Variants in AP1B1 observed in about 807,000 individuals in gnomAD.
AP1B1 encodes AP-1 complex subunit beta-1.
AP1B1 carries 36 observed loss-of-function variants against 104.3 expected under a neutral mutation model. That is an observed-to-expected ratio of 0.35 (90% confidence interval 0.26 to 0.46). The LOEUF (loss-of-function observed/expected upper bound fraction) is 0.46, where lower values mean the gene tolerates loss of function less well. Ranked by LOEUF, AP1B1 falls within the 20% of genes least tolerant of loss-of-function variation. AP1B1 has a pLI of 1.00. For synonymous variants in AP1B1, 504 were observed against 517.5 expected, an observed-to-expected ratio of 0.97 and a Z score of 0.35; for missense variants, 901 against 1,247.9, an observed-to-expected ratio of 0.72 and a Z score of 4.19.
chr22:29,366,056 G>A (rs1295922375), intron 2 of AP1B1, among the ~76,000 whole-genome samples: 1 of 152,158 alleles, frequency 6.6e-6, no homozygotes, highest in East Asian at 1.9e-4. Flanking sequence ...TCCAGCAACA[G>A]ACTCTTTTCA....
At chr22:29,349,874 G>A (rs1326941516) in intron 10 of AP1B1, among the ~76,000 whole-genome samples, 161 bp downstream of exon 10, 1 of 152,180 alleles carries the variant, frequency 6.6e-6, no homozygotes, top group Non-Finnish European at 1.5e-5. Flanking sequence ...GGGAGTAGAG[G>A]AGGGGCAGTG....
chr22:29,328,665 C>T lies in AP1B1; in HGVS notation c.*156G>A, dbSNP rs2061511739. Reference sequence around the variant, plus strand: ...ACCCCAGGAGGGGGTGGTGCCCTACCCCAGGGATCGGGTGGGTTCTGCCAT... The same window carrying T: ...ACCCCAGGAGGGGGTGGTGCCCTACTCCAGGGATCGGGTGGGTTCTGCCAT... On this transcript the variant is annotated 3_prime_UTR_variant, in exon 23 of 23. Transcript: ENST00000357586. The surrounding 1 kb of genome is among the most constrained non-coding windows in gnomAD (Gnocchi z 4.1). 1 of 916,966 alleles carries T rather than the reference C, an allele frequency of 1.1e-6. No individual in the cohort carries two copies. The highest frequency in any genetic ancestry group is 1.6e-6 in the Non-Finnish European group (1 of 620,128). 56.8% of individuals were successfully genotyped at this position (916,966 alleles called of 1,614,324 possible).
At position 29,330,725 on chromosome 22, in the gene AP1B1, G is replaced by C; in HGVS notation, c.2525-16C>G. 1 of 1,606,678 alleles carries C rather than the reference G, an allele frequency of 6.2e-7. No homozygotes were observed. The highest frequency in any genetic ancestry group is 8.5e-7 in the Non-Finnish European group (1 of 1,177,524). On this transcript the variant is annotated splice_polypyrimidine_tract_variant and intron_variant, in intron 19 of 22. Transcript: ENST00000357586. ...ATCTGCCGGTCTGCGGGGTGAGCAG[G>C]GTGGGGATGAGAGGCGAGCCCCTCA... is the stretch of plus-strand genomic sequence containing the variant.
chr22:29,386,555 G>A (rs539241255), intron 1 of AP1B1, among the ~76,000 whole-genome samples: 187 of 152,228 alleles, frequency 1.2e-3, no homozygotes, highest in African/African-American at 4.2e-3. Flanking sequence ...GTGACAAGTT[G>A]CTTCATCTCA....
intron 4 of AP1B1, 21 bp from the exon 5 acceptor site, chr22:29,358,992 G>C: frequency 6.3e-7 from 1 of 1,590,862 alleles, no homozygotes; most frequent in Non-Finnish European, 8.6e-7. Context: ...CCAGCCATCG[G>C]CCAGGGCAGG....
intron 3 of AP1B1, among the ~76,000 whole-genome samples, chr22:29,361,503 T>G (rs1036047984): frequency 1.3e-5 from 2 of 152,118 alleles, no homozygotes; most frequent in Non-Finnish European, 2.9e-5. Flanking sequence ...TTTTATTTCT[T>G]TGGCAGTAAA....
At chr22:29,333,833 G>C (rs1410918635) in intron 17 of AP1B1, among the ~76,000 whole-genome samples, 1 of 152,142 alleles carries the variant, frequency 6.6e-6, no homozygotes, top group Non-Finnish European at 1.5e-5. Flanking sequence ...GGAGGCCGAG[G>C]TGGGCGGATT....
rs1372964599 is a variant in AP1B1, at chr22:29,331,817, G to A, written c.2409C>T (p.Val803=). ...GGTTGTTCAGAGGCTCCATCTTCAT[G>A]ACCGAGCCCACCGTGCTGAGAGGCA... ...ISLPLSTVGS[V]MKMEPLNNLQ... is the part of the protein sequence containing the mutation. Residue 803 remains valine (V), a synonymous_variant, in exon 18 of 23, where the codon GTC becomes GTT. Coordinates refer to ENST00000357586, the MANE Select transcript of AP1B1 (RefSeq NM_001127.4). The A allele has an allele frequency of 1.9e-6, 3 of 1,614,124 alleles. No homozygotes were observed. Among genetic ancestry groups the A allele is most frequent in the Admixed American group, 3.3e-5 (2 of 60,026 alleles).
rs777571819 is a variant in AP1B1, at chr22:29,331,933, C to G, written c.2310-17G>C. On this transcript the variant is annotated splice_polypyrimidine_tract_variant and intron_variant, in intron 17 of 22. Coordinates refer to ENST00000357586, the MANE Select transcript of AP1B1 (RefSeq NM_001127.4). ...AGGCCAAAGCTGGGGAGAGAGAAGCCCCACAGGGATGGCAGGGGGAGTAGG... is the reference window on the plus strand; with the variant it reads ...AGGCCAAAGCTGGGGAGAGAGAAGCGCCACAGGGATGGCAGGGGGAGTAGG... 1 of 1,599,020 alleles carries G rather than the reference C, an allele frequency of 6.3e-7. No homozygotes were observed.
intron 1 of AP1B1, among the ~76,000 whole-genome samples, chr22:29,371,418 G>A (rs577139575): frequency 5.9e-5 from 9 of 152,132 alleles, no homozygotes; most frequent in East Asian, 1.9e-4. Flanking sequence ...GAATCTGATC[G>A]GGTACACGAA....
chr22:29,333,851 C>A (rs1351825760), intron 17 of AP1B1, among the ~76,000 whole-genome samples: 1 of 151,954 alleles, frequency 6.6e-6, no homozygotes, highest in Non-Finnish European at 1.5e-5. Flanking sequence ...ATTGCCTGAG[C>A]TCAGGAGTTC....
chr22:29,373,416 C>T (rs2062274695), intron 1 of AP1B1, among the ~76,000 whole-genome samples: 1 of 152,108 alleles, frequency 6.6e-6, no homozygotes, highest in African/African-American at 2.4e-5. Flanking sequence ...CACAAGATTT[C>T]ATGTGTACAA....
intron 9 of AP1B1, among the ~76,000 whole-genome samples, 192 bp downstream of exon 9, chr22:29,350,979 G>A (rs762126769): frequency 6.6e-6 from 1 of 152,168 alleles, no homozygotes; most frequent in Non-Finnish European, 1.5e-5. Context: ...CAACTCGAAG[G>A]CCTAAAGGAT....
chr22:29,352,813 A>T (rs2061897299), intron 7 of AP1B1, among the ~76,000 whole-genome samples: 1 of 152,170 alleles, frequency 6.6e-6, no homozygotes. Context: ...GAGTACTGCT[A>T]GTGAAACCTG....
At chr22:29,350,198 C>T (rs2061853528) in intron 9 of AP1B1, 48 bp from the exon 10 acceptor site, 3 of 1,486,124 alleles carry the variant, frequency 2.0e-6, no homozygotes, top group South Asian at 2.3e-5. Context: ...ACCCCATTTC[C>T]AGTAGAGCCT....
At chr22:29,334,036 G>C (rs2061601079) in intron 17 of AP1B1, among the ~76,000 whole-genome samples, 1 of 152,212 alleles carries the variant, frequency 6.6e-6, no homozygotes, top group African/African-American at 2.4e-5. Flanking sequence ...CTGCACTCCA[G>C]CCTGTGTGAC....
intron 3 of AP1B1, among the ~76,000 whole-genome samples, chr22:29,361,710 GGTGATGGGA>G (rs2062049545): frequency 6.6e-6 from 1 of 152,138 alleles, no homozygotes; most frequent in African/African-American, 2.4e-5. Context: ...TTTAGTGCTG[GGTGATGGGA>G]ACAGACAGCA....
chr22:29,351,240 T>G lies in AP1B1; in HGVS notation c.1086A>C (p.Ala362=). The G allele has an allele frequency of 6.2e-7, 1 of 1,614,186 alleles. No homozygotes were observed. ...AQVLAELKEY[A]TEVDVDFVRK... is the part of the protein sequence containing the mutation. ...GTACAAAGTCCACATCCACTTCTGT[T>G]GCGTACTCTTTCAGCTCTGCCAACA... The change falls in exon 9 of 23, where the codon GCA becomes GCC. Residue 362 remains alanine (A), a synonymous_variant. Coordinates refer to ENST00000357586, the MANE Select transcript of AP1B1 (RefSeq NM_001127.4).
chr22:29,337,294 GGGA>G (rs2061652384), intron 16 of AP1B1, among the ~76,000 whole-genome samples: 1 of 152,352 alleles, frequency 6.6e-6, no homozygotes, highest in Non-Finnish European at 1.5e-5. Context: ...AAGGGCTGCT[GGGA>G]GGAGGACGTG....
Sources: gnomAD v4.1 joint callset for allele counts (sites outside exome capture counted in the v4.1 genomes callset) on GRCh38, gnomAD v4.1.1 for gene constraint, Gnocchi (gnomAD v3.1) non-coding constraint, MANE v1.5 for transcripts, NCBI Gene and HGNC (gene_info 2026-07-23, HGNC 2026-07-21) for gene names.